Variants in SHISA9 observed in about 807,000 individuals in gnomAD.
SHISA9 encodes protein shisa-9.
A neutral mutation model predicts 38.0 loss-of-function variants in SHISA9; 13 were observed. The ratio of observed to expected loss-of-function variants is 0.34; its 90% confidence interval spans 0.22 to 0.54. The LOEUF is 0.54. SHISA9 is among the 20% of genes least tolerant of loss of function. The pLI is 0.91. For synonymous variants in SHISA9, 275 were observed against 242.0 expected (o/e 1.14, Z -1.27); for missense variants, 538 against 575.8 (o/e 0.93, Z 0.67).
chr16:12,953,209 C>CAACAACAACAACAACAAA (rs2071783223), intron 2 of SHISA9, among the ~76,000 whole-genome samples: 1 of 87,746 alleles, frequency 1.1e-5, no homozygotes, highest in Non-Finnish European at 2.9e-5. Flanking sequence ...AAAAACCCCT[C>CAACAACAACAACAACAAA]AACAACAACA....
At chr16:13,361,041 C>T in the SHISA9 span, among the ~76,000 whole-genome samples, 3 of 152,214 alleles carry the variant, frequency 2.0e-5, no homozygotes, top group East Asian at 1.9e-4. Context: ...CTTAGGTTCT[C>T]TTTTGGAGAG....
the SHISA9 span, among the ~76,000 whole-genome samples, chr16:13,399,888 T>C: frequency 5.3e-5 from 8 of 152,216 alleles, no homozygotes; most frequent in Non-Finnish European, 4.4e-5. Context: ...ATGTAGAAGA[T>C]ACTTGTAGTG....
At chr16:12,909,454 G>T in intron 1 of SHISA9, 1 of 985,440 alleles carries the variant, frequency 1.0e-6, no homozygotes, top group Non-Finnish European at 1.2e-6. Context: ...TGGAGGCTTT[G>T]AAGCAAGATA....
At chr16:13,474,073 G>C in the SHISA9 span, 1 of 152,212 alleles carries the variant, frequency 6.6e-6, no homozygotes, top group African/African-American at 2.4e-5. Context: ...AGGGCCCTGG[G>C]TGTGAGCACT....
the SHISA9 span, among the ~76,000 whole-genome samples, chr16:13,431,335 G>GA: frequency 2.0e-5 from 3 of 152,052 alleles, no homozygotes; most frequent in African/African-American, 7.2e-5. Context: ...GTCGAATAGG[G>GA]AAAAAAATAA....
At chr16:13,336,019 A>T in the SHISA9 span, among the ~76,000 whole-genome samples, 3 of 152,344 alleles carry the variant, frequency 2.0e-5, no homozygotes, top group South Asian at 6.2e-4. Context: ...AACAGTCACC[A>T]TATGGGTAGT....
the SHISA9 span, among the ~76,000 whole-genome samples, chr16:13,320,088 C>G: frequency 6.6e-6 from 1 of 151,538 alleles, no homozygotes; most frequent in African/African-American, 2.4e-5. Flanking sequence ...GTCAGGAGAT[C>G]GAGACCATCC....
At chr16:13,057,278 G>T (rs538510357) in intron 2 of SHISA9, among the ~76,000 whole-genome samples, 219 of 152,320 alleles carry the variant, frequency 1.4e-3, no homozygotes, top group Non-Finnish European at 1.9e-3. Context: ...TGGATGGGAT[G>T]GGACTCTCAT....
intron 2 of SHISA9, among the ~76,000 whole-genome samples, chr16:13,098,904 A>G (rs2073852435): frequency 6.6e-6 from 1 of 152,234 alleles, no homozygotes; most frequent in Non-Finnish European, 1.5e-5. Context: ...CATCTGCAAA[A>G]TGGGCTGGTT....
the SHISA9 span, among the ~76,000 whole-genome samples, chr16:13,460,515 T>C: frequency 6.6e-6 from 1 of 152,186 alleles, no homozygotes; most frequent in Non-Finnish European, 1.5e-5. Context: ...GGCCTGGCAC[T>C]CAAGAATGTG....
chr16:13,054,792 A>T (rs1337232614), intron 2 of SHISA9, among the ~76,000 whole-genome samples: 1 of 152,176 alleles, frequency 6.6e-6, no homozygotes, highest in Non-Finnish European at 1.5e-5. Flanking sequence ...AGTGATGTTC[A>T]ACTTGCTCTC....
At chr16:13,549,285 T>G in the SHISA9 span, among the ~76,000 whole-genome samples, 1 of 152,204 alleles carries the variant, frequency 6.6e-6, no homozygotes, top group African/African-American at 2.4e-5. Flanking sequence ...AAAGTTCTGG[T>G]GTGCTATTGC....
Position 13,117,715 on chromosome 16 carries a change from C to A in SHISA9, c.692-85679C>A, listed in dbSNP as rs1049492198. Among the ~76,000 whole-genome samples the A allele has an allele frequency of 2.0e-5, 3 of 152,278 alleles. No homozygotes were observed. In the East Asian group the frequency reaches 5.8e-4, roughly 29 times the overall value. ...AAGGGGCATGGCCCTGCCAACAGCC[C>A]AATTTCATACTTCTGGCCTCCAGAA... On this transcript the variant is annotated intron_variant, in intron 2 of 4. Coordinates refer to ENST00000558583, the MANE Select transcript of SHISA9 (RefSeq NM_001145204.3).
chr16:13,377,509 G>A, the SHISA9 span, among the ~76,000 whole-genome samples: 3 of 152,186 alleles, frequency 2.0e-5, no homozygotes, highest in Non-Finnish European at 2.9e-5. Flanking sequence ...TGAGCAGAGA[G>A]CAAAGCTAGG....
intron 2 of SHISA9, among the ~76,000 whole-genome samples, chr16:13,055,518 G>A: frequency 6.6e-6 from 1 of 152,086 alleles, no homozygotes; most frequent in East Asian, 1.9e-4. Flanking sequence ...CAGTCTTCTT[G>A]GTGATCATGA....
At chr16:13,135,204 C>G (rs1424777940) in intron 2 of SHISA9, among the ~76,000 whole-genome samples, 2 of 152,192 alleles carry the variant, frequency 1.3e-5, no homozygotes, top group Admixed American at 1.3e-4. Context: ...ATGATCAGAT[C>G]TGGATTGTGA....
chr16:13,381,306 A>G, the SHISA9 span, among the ~76,000 whole-genome samples: 25 of 152,210 alleles, frequency 1.6e-4, no homozygotes, highest in Non-Finnish European at 3.1e-4. Flanking sequence ...ACTAATAACC[A>G]GTAGAATAAC....
chr16:13,262,662 A>AAGGGAGGG, the SHISA9 span, among the ~76,000 whole-genome samples: 1,328 of 52,132 alleles, frequency 0.025, 23 homozygotes, highest in African/African-American at 0.072. Flanking sequence ...GGAAGGAAGG[A>AAGGGAGGG]AGGAAGGAAG....
intron 2 of SHISA9, among the ~76,000 whole-genome samples, chr16:13,162,753 A>T (rs2050606186): frequency 6.6e-6 from 1 of 152,176 alleles, no homozygotes; most frequent in Non-Finnish European, 1.5e-5. Context: ...TTAGCAAAGT[A>T]GATGTCAGAA....
Sources: allele counts gnomAD v4.1 joint callset (sites outside exome capture counted in the v4.1 genomes callset), GRCh38; gene constraint gnomAD v4.1.1; transcripts MANE v1.5; gene names NCBI Gene and HGNC (gene_info 2026-07-23, HGNC 2026-07-21).